Variants in MMP26 observed in about 807,000 individuals in gnomAD.
MMP26 encodes matrix metallopeptidase 26.
In MMP26, 33 loss-of-function variants were observed where a neutral mutation model predicts 31.0. The observed-to-expected ratio is 1.06, with a 90% CI of 0.81 to 1.42. The LOEUF is 1.42. MMP26 is among the 40% of genes most tolerant of loss of function. The pLI is 0.00. For missense variants in MMP26, 347 were observed against 316.1 expected, an observed-to-expected ratio of 1.10 and a Z score of -0.74; for synonymous variants, 122 against 114.9, an observed-to-expected ratio of 1.06 and a Z score of -0.40.
In MMP26 at chr11:4,782,065, C is replaced by T. The variant is rs1216205935; in HGVS notation, c.-145+14724C>T. ...TCAGCAGCATGACAATAGACTAATGCAGTAAATTGGTACCAGTAGAGCAGG... is the reference window on the plus strand; with the variant it reads ...TCAGCAGCATGACAATAGACTAATGTAGTAAATTGGTACCAGTAGAGCAGG... On this transcript the variant is annotated intron_variant, in intron 2 of 7. Coordinates refer to ENST00000380390, the MANE Select transcript of MMP26 (RefSeq NM_021801.5). 2.0e-5 allele frequency among the ~76,000 whole-genome samples: 3 copies of T among 152,108 alleles called. No homozygotes were observed. In the East Asian group the frequency reaches 5.8e-4, roughly 29 times the overall value.
intron 2 of MMP26, chr11:4,903,854 A>G (rs1053559922): frequency 9.9e-5 from 15 of 152,074 alleles, no homozygotes; most frequent in African/African-American, 3.6e-4. Flanking sequence ...GGTTTGTTAA[A>G]CTGCTTATAT....
chr11:4,818,559 A>G (rs1849451828), intron 2 of MMP26, among the ~76,000 whole-genome samples: 1 of 152,100 alleles, frequency 6.6e-6, no homozygotes, highest in Admixed American at 6.5e-5. Context: ...TGTGCCTTTC[A>G]TCTTTGTTAA....
intron 1 of MMP26, among the ~76,000 whole-genome samples, chr11:4,714,492 A>G (rs970293243): frequency 1.3e-5 from 2 of 152,072 alleles, no homozygotes; most frequent in African/African-American, 2.4e-5. Flanking sequence ...ATCTTCATTT[A>G]CCAATATCAC....
chr11:4,830,636 T>A (rs986957762), intron 2 of MMP26, among the ~76,000 whole-genome samples: 2 of 152,216 alleles, frequency 1.3e-5, no homozygotes, highest in Non-Finnish European at 2.9e-5. Flanking sequence ...TTTGTCTCTG[T>A]CAGAATTCAG....
rs754433153 is a variant in MMP26 at position 4,898,829 on chromosome 11, C to CTG, written c.-144-89238_-144-89237insGT. ...AAGAAATCTCTCTCTCTCTCTCTCT[C>CTG]TCTGTGTGTGTGTGTGTGTGTGTGT... On this transcript the variant is annotated intron_variant, in intron 2 of 7. Coordinates refer to ENST00000380390, the MANE Select transcript of MMP26 (RefSeq NM_021801.5). 8.8e-5 allele frequency among the ~76,000 whole-genome samples: 11 copies of CTG among 125,520 alleles called. No homozygotes were observed. In the East Asian group the frequency reaches 1.2e-3, roughly 13 times the overall value. 82.3% of individuals were successfully genotyped at this position (125,520 alleles called of 152,430 possible).
intron 1 of MMP26, among the ~76,000 whole-genome samples, chr11:4,757,031 A>G (rs1431546049): frequency 6.6e-6 from 1 of 152,146 alleles, no homozygotes; most frequent in Non-Finnish European, 1.5e-5. Context: ...ATTTATACGG[A>G]AATGCAAAAG....
intron 1 of MMP26, among the ~76,000 whole-genome samples, chr11:4,755,745 A>G (rs559342718): frequency 6.6e-6 from 1 of 152,198 alleles, no homozygotes; most frequent in Admixed American, 6.5e-5. Flanking sequence ...CAGAAACTGC[A>G]TTCCACATAA....
chr11:4,803,597 A>G (rs1849214594), intron 2 of MMP26: 10 of 1,614,056 alleles, frequency 6.2e-6, no homozygotes, highest in Non-Finnish European at 8.5e-6. Flanking sequence ...TAGGTGAGGA[A>G]AGAAAAAAGG....
chr11:4,943,608 C>A (rs953568126), intron 2 of MMP26: 3 of 384,832 alleles, frequency 7.8e-6, no homozygotes, highest in Non-Finnish European at 1.0e-5. Context: ...AAGTCAGTGA[C>A]ACACCCACAC....
intron 2 of MMP26, among the ~76,000 whole-genome samples, chr11:4,768,627 A>G (rs1027537327): frequency 6.6e-6 from 1 of 152,204 alleles, no homozygotes; most frequent in African/African-American, 2.4e-5. Flanking sequence ...CATCTGTAAT[A>G]TATCGCTAAT....
At chr11:4,841,360 T>G (rs1480194805) in intron 2 of MMP26, among the ~76,000 whole-genome samples, 2 of 151,956 alleles carry the variant, frequency 1.3e-5, no homozygotes, top group African/African-American at 4.8e-5. Context: ...AAATAACACC[T>G]CAAAGCATTT....
chr11:4,908,669 A>T (rs1850944977), intron 2 of MMP26: 1 of 311,426 alleles, frequency 3.2e-6, no homozygotes, highest in Non-Finnish European at 6.1e-6. Context: ...CTAATCTCAT[A>T]CTGTCAAGGA....
chr11:4,956,743 C>T (rs976236867), intron 2 of MMP26, among the ~76,000 whole-genome samples: 1 of 152,122 alleles, frequency 6.6e-6, no homozygotes, highest in African/African-American at 2.4e-5. Flanking sequence ...CCAACTTGTC[C>T]AACTTAGACA....
At chr11:4,934,947 T>G (rs1225828190) in intron 2 of MMP26, among the ~76,000 whole-genome samples, 22 of 151,478 alleles carry the variant, frequency 1.5e-4, no homozygotes, top group Middle Eastern at 3.4e-3. Context: ...CTCTGTTTTG[T>G]TACCAGTACC....
intron 1 of MMP26, among the ~76,000 whole-genome samples, chr11:4,746,831 T>TCACACATA (rs1554929540): frequency 2.9e-5 from 4 of 137,218 alleles, no homozygotes; most frequent in African/African-American, 8.3e-5. Context: ...TAAGTCTCTG[T>TCACACATA]CACACACACA....
chr11:4,850,358 T>G (rs1004978851), intron 2 of MMP26, among the ~76,000 whole-genome samples: 1 of 152,196 alleles, frequency 6.6e-6, no homozygotes, highest in Non-Finnish European at 1.5e-5. Context: ...TTTATGTCAA[T>G]AGCAAAACCA....
intron 2 of MMP26, among the ~76,000 whole-genome samples, chr11:4,915,913 T>A (rs1170566384): frequency 6.6e-6 from 1 of 152,166 alleles, no homozygotes; most frequent in Non-Finnish European, 1.5e-5. Context: ...TGAGCCAAAC[T>A]GGGTGAGTTG....
chr11:4,711,158 T>TG (rs1239567724), intron 1 of MMP26: 1 of 152,204 alleles, frequency 6.6e-6, no homozygotes, highest in Non-Finnish European at 1.5e-5. Context: ...TCATTATACA[T>TG]TGCAATGAAC....
Position 4,895,312 on chromosome 11 carries a change from A to C in MMP26, c.-144-92756A>C, listed in dbSNP as rs557612915. Among the ~76,000 whole-genome samples, 9 of 152,222 alleles carry C rather than the reference A, an allele frequency of 5.9e-5. No homozygotes were observed. In the South Asian group the frequency reaches 1.0e-3, roughly 18 times the overall value. ...TGGTCCCTGTTCCAAAGTTCTTATAATTACTTGAAACCATAACGTCATCTC... is the reference window on the plus strand; with the variant it reads ...TGGTCCCTGTTCCAAAGTTCTTATACTTACTTGAAACCATAACGTCATCTC... On this transcript the variant is annotated intron_variant, in intron 2 of 7. Transcript: ENST00000380390.
Sources: allele counts gnomAD v4.1 joint callset (sites outside exome capture counted in the v4.1 genomes callset), GRCh38; gene constraint gnomAD v4.1.1; transcripts MANE v1.5; gene names NCBI Gene and HGNC (gene_info 2026-07-23, HGNC 2026-07-21).